The following PCDHGA7 variants were observed in gnomAD, a reference collection of about 807,000 sequenced individuals.
PCDHGA7 encodes the protein protocadherin gamma-A7.
Under a neutral mutation model 58.3 loss-of-function variants are expected in PCDHGA7, and 44 were observed. That is an observed-to-expected ratio of 0.75 (90% CI 0.59 to 0.97). PCDHGA7 has a LOEUF of 0.97. PCDHGA7 is among the 50% of genes least tolerant of loss of function. PCDHGA7 has a pLI of 0.00. For missense variants in PCDHGA7, 1,266 were observed against 1,188.7 expected, an observed-to-expected ratio of 1.06 and a Z score of -0.96; for synonymous variants, 516 against 504.2, an observed-to-expected ratio of 1.02 and a Z score of -0.31.
At chr5:141,424,036 C>T (rs2096796408) in intron 1 of PCDHGA7, 1 of 1,029,488 alleles carries the variant, frequency 9.7e-7, no homozygotes, top group Non-Finnish European at 1.2e-6. Flanking sequence ...CTTTTTATTT[C>T]CATTTCAATT....
chr5:141,492,005 C>T (rs1444993907), intron 1 of PCDHGA7: 2 of 642,268 alleles, frequency 3.1e-6, no homozygotes, highest in Admixed American at 7.4e-5. Flanking sequence ...GGGCGATTTC[C>T]GCGGGTGTCG....
intron 3 of PCDHGA7, among the ~76,000 whole-genome samples, chr5:141,508,954 C>A (rs2154594435): frequency 6.6e-6 from 1 of 152,170 alleles, no homozygotes; most frequent in Admixed American, 6.5e-5. Context: ...AGAGAAATGT[C>A]AGCGGAATGA....
At position 141,388,975 on chromosome 5, in the gene PCDHGA7, T is replaced by C. The variant is rs1293529479; in HGVS notation, c.2424+3652T>C. The C allele has an allele frequency of 6.8e-6, 11 of 1,613,888 alleles. No homozygotes were observed. The highest frequency in any genetic ancestry group is 8.5e-6 in the Non-Finnish European group (10 of 1,179,894). On this transcript the variant is annotated intron_variant, in intron 1 of 3. Transcript: ENST00000518325. ...GAGGACGCCGAGCTGGGAACACATATTGCTTTGCTCAAAGTCCGTGACAAG... is the reference window on the plus strand; with the variant it reads ...GAGGACGCCGAGCTGGGAACACATACTGCTTTGCTCAAAGTCCGTGACAAG...
chr5:141,408,903 A>C, intron 1 of PCDHGA7: 1 of 1,613,512 alleles, frequency 6.2e-7, no homozygotes, highest in Non-Finnish European at 8.5e-7. Context: ...TCTGTCAAGG[A>C]TACCAATGAT....
At chr5:141,420,551 ATTTTTACGGCATGGT>A (rs2096505176) in intron 1 of PCDHGA7, 3 of 266,550 alleles carry the variant, frequency 1.1e-5, no homozygotes, top group Admixed American at 5.1e-5. Context: ...ATACAGGTAT[ATTTTTACGGCATGGT>A]ATTTTAATTG....
At chr5:141,443,662 C>A (rs1427397469) in intron 1 of PCDHGA7, among the ~76,000 whole-genome samples, 2 of 152,178 alleles carry the variant, frequency 1.3e-5, no homozygotes, top group African/African-American at 4.8e-5. Context: ...TAGCATTTTA[C>A]TGAACTAGTA....
intron 1 of PCDHGA7, chr5:141,427,868 C>T (rs1311930991): frequency 4.5e-6 from 7 of 1,559,298 alleles, no homozygotes; most frequent in African/African-American, 2.7e-5. Context: ...CCTTCGAGCT[C>T]ACGATGCAGG....
intron 1 of PCDHGA7, chr5:141,399,691 C>A: frequency 6.2e-7 from 1 of 1,613,480 alleles, no homozygotes; most frequent in Non-Finnish European, 8.5e-7. Context: ...CGAGCAGCTG[C>A]GCACCTTCGA....
In PCDHGA7 at chr5:141,432,262, A is replaced by G; in HGVS notation, c.2424+46939A>G. 1.9e-6 allele frequency: 3 copies of G among 1,614,222 alleles called. No homozygotes were observed. Among genetic ancestry groups the G allele is most frequent in the Non-Finnish European group, 2.5e-6 (3 of 1,180,036 alleles). On this transcript the variant is annotated intron_variant, in intron 1 of 3. Coordinates refer to ENST00000518325, the MANE Select transcript of PCDHGA7 (RefSeq NM_018920.4). This position sits in a 1 kb window ranked among gnomAD's most constrained non-coding sequence, Gnocchi z 6.0. ...AGAACACCATCCAAGGGGCAAGCCT[A>G]TCGTCCTACGTGTCCATCAACTCCG...
rs73280340 is a variant in PCDHGA7, at chr5:141,473,067, G to A, written c.2425-21740G>A. On this transcript the variant is annotated intron_variant, in intron 1 of 3. Transcript: ENST00000518325. ...GAAAGAAGTGATACAACAAGTTACA[G>A]CATCTTTGTTTATTATCCACTGTGA... Among the ~76,000 whole-genome samples the A allele has an allele frequency of 5.6e-3, 854 of 152,054 alleles. 5 individuals are homozygous for A. The highest frequency in any genetic ancestry group is 0.019 in the African/African-American group (798 of 41,456).
rs777780708 is a variant in PCDHGA7, at chr5:141,489,934, G to C, written c.2425-4873G>C. ...AGGGACCACCCTTATCTCTGTCATC[G>C]TGCTGGACATCAATGATAATGCTCC... On this transcript the variant is annotated intron_variant, in intron 1 of 3. Transcript: ENST00000518325. The surrounding 1 kb of genome is among the most constrained non-coding windows in gnomAD (Gnocchi z 4.5). The C allele has an allele frequency of 1.4e-5, 23 of 1,614,176 alleles. No homozygotes were observed. Among genetic ancestry groups the C allele is most frequent in the Non-Finnish European group, 1.8e-5 (21 of 1,180,030 alleles).
chr5:141,502,864 G>T (rs1595824348), intron 2 of PCDHGA7, among the ~76,000 whole-genome samples: 4 of 61,548 alleles, frequency 6.5e-5, no homozygotes, highest in African/African-American at 2.4e-4. Flanking sequence ...CTGACTCTCT[G>T]TCTTTTTTTT....
rs1258816819 is a variant in PCDHGA7, at chr5:141,384,735, C to T, written c.1836C>T (p.Ser612=). ...AWLSYLLLKA[S]EPGLFAVGLY... Reference sequence around the variant, plus strand: ...TGTCATACCTCCTGCTTAAGGCCAGCGAGCCAGGACTCTTTGCGGTTGGGC... The same window carrying T: ...TGTCATACCTCCTGCTTAAGGCCAGTGAGCCAGGACTCTTTGCGGTTGGGC... The change falls in exon 1 of 4, where the codon AGC becomes AGT. Residue 612 remains serine (S), a synonymous_variant. Transcript: ENST00000518325. The T allele has an allele frequency of 5.6e-6, 9 of 1,614,026 alleles. No individual in the cohort carries two copies. Among genetic ancestry groups the T allele is most frequent in the Non-Finnish European group, 6.8e-6 (8 of 1,180,020 alleles).
At chr5:141,496,948 G>A (rs2099772844) in intron 2 of PCDHGA7, among the ~76,000 whole-genome samples, 1 of 151,826 alleles carries the variant, frequency 6.6e-6, no homozygotes, top group Admixed American at 6.6e-5. Context: ...CACTTTGGGA[G>A]GCCAAGGTGG....
intron 1 of PCDHGA7, among the ~76,000 whole-genome samples, chr5:141,435,444 A>T (rs1471113812): frequency 1.3e-5 from 2 of 152,216 alleles, no homozygotes; most frequent in South Asian, 2.1e-4. Context: ...TTTCATTAAT[A>T]CGATATCTGT....
At chr5:141,410,665 G>C (rs372651223) in intron 1 of PCDHGA7, 9 of 1,569,394 alleles carry the variant, frequency 5.7e-6, no homozygotes, top group Non-Finnish European at 7.7e-6. Flanking sequence ...TAGTCTACTA[G>C]TTTCTCATAT....
At chr5:141,452,908 A>G (rs747849272) in intron 1 of PCDHGA7, among the ~76,000 whole-genome samples, 5 of 152,222 alleles carry the variant, frequency 3.3e-5, no homozygotes, top group African/African-American at 4.8e-5. Flanking sequence ...AGTTGGCATT[A>G]TACAGTAAGA....
chr5:141,464,273 A>G (rs1330533734), intron 1 of PCDHGA7, among the ~76,000 whole-genome samples: 1 of 136,736 alleles, frequency 7.3e-6, no homozygotes, highest in African/African-American at 3.0e-5. Context: ...TAAAAAAAAA[A>G]AAAAGCAAAA....
chr5:141,390,781 G>C (rs527538379), intron 1 of PCDHGA7: 97 of 165,826 alleles, frequency 5.8e-4, no homozygotes, highest in Non-Finnish European at 1.1e-3. Flanking sequence ...CTTCCCTTTT[G>C]TTTCAAAAGC....
Sources: allele counts gnomAD v4.1 joint callset (sites outside exome capture counted in the v4.1 genomes callset), GRCh38; gene constraint gnomAD v4.1.1; non-coding constraint Gnocchi (gnomAD v3.1); transcripts MANE v1.5; gene names NCBI Gene and HGNC (gene_info 2026-07-23, HGNC 2026-07-21).